DLG2: variants seen among roughly 807,000 people sequenced by gnomAD.
DLG2 encodes the protein discs large MAGUK scaffold protein 2, also known as disks large homolog 2.
Under a neutral mutation model 132.5 loss-of-function variants are expected in DLG2, and 45 were observed. The observed-to-expected ratio is 0.34, with a 90% CI of 0.27 to 0.44. The LOEUF (loss-of-function observed/expected upper bound fraction) is 0.44, where lower values mean the gene tolerates loss of function less well. Among genes scored for constraint, DLG2 ranks in the 20% least tolerant of loss-of-function variants. DLG2 has a pLI of 1.00. For synonymous variants in DLG2, 424 were observed against 419.6 expected (o/e 1.01, Z -0.13); for missense variants, 1,045 against 1,196.9 (o/e 0.87, Z 1.87).
At chr11:84,181,836 C>T (rs761682267) in intron 8 of DLG2, among the ~76,000 whole-genome samples, 5 of 152,068 alleles carry the variant, frequency 3.3e-5, no homozygotes, top group African/African-American at 4.8e-5. Context: ...ATGTAACAAC[C>T]CTTAATATGT....
At chr11:85,336,711 T>C (rs1335149711) in intron 3 of DLG2, 3 of 152,492 alleles carry the variant, frequency 2.0e-5, no homozygotes, top group Admixed American at 6.5e-5. Flanking sequence ...AGGTGCAAGT[T>C]AGAGCTGGGG....
intron 19 of DLG2, among the ~76,000 whole-genome samples, chr11:83,587,574 G>T (rs2097107037): frequency 6.6e-6 from 1 of 152,210 alleles, no homozygotes; most frequent in South Asian, 2.1e-4. Context: ...TTAGGAGATA[G>T]TGAATTAGAA....
intron 6 of DLG2, among the ~76,000 whole-genome samples, chr11:84,816,023 G>C (rs572867848): frequency 1.3e-5 from 2 of 152,104 alleles, no homozygotes; most frequent in Admixed American, 6.6e-5. Context: ...GCCTGTGTTT[G>C]GGGGTAAGGA....
At chr11:85,297,477 C>A (rs1311503016) in intron 3 of DLG2, among the ~76,000 whole-genome samples, 2 of 152,170 alleles carry the variant, frequency 1.3e-5, no homozygotes, top group Non-Finnish European at 2.9e-5. Flanking sequence ...GGCCATTCTG[C>A]CTGTTTCCAG....
intron 4 of DLG2, among the ~76,000 whole-genome samples, chr11:85,273,609 A>T (rs367828327): frequency 8.5e-5 from 13 of 152,166 alleles, no homozygotes; most frequent in Non-Finnish European, 1.8e-4. Flanking sequence ...GAAACAACAG[A>T]TGCTGGAGAG....
intron 10 of DLG2, among the ~76,000 whole-genome samples, chr11:84,082,306 G>T (rs570497990): frequency 1.3e-5 from 2 of 152,150 alleles, no homozygotes; most frequent in Non-Finnish European, 2.9e-5. Flanking sequence ...AATATGCACT[G>T]AATATGAAGG....
At chr11:85,137,178 G>A (rs1193565639) in intron 5 of DLG2, among the ~76,000 whole-genome samples, 2 of 152,012 alleles carry the variant, frequency 1.3e-5, no homozygotes, top group African/African-American at 4.8e-5. Flanking sequence ...ACAAGTACAG[G>A]ATGCTACTGA....
intron 19 of DLG2, among the ~76,000 whole-genome samples, chr11:83,625,276 G>C (rs1488739658): frequency 1.3e-5 from 2 of 152,150 alleles, no homozygotes; most frequent in African/African-American, 4.8e-5. Flanking sequence ...TTATGGCTTT[G>C]CCTTAAATGT....
At chr11:84,403,765 T>C (rs1454154577) in intron 7 of DLG2, among the ~76,000 whole-genome samples, 2 of 152,208 alleles carry the variant, frequency 1.3e-5, no homozygotes, top group African/African-American at 2.4e-5. Context: ...GCCAGAATTA[T>C]TGACTTGCTG....
chr11:83,709,862 T>C (rs1016756532), intron 18 of DLG2, among the ~76,000 whole-genome samples: 1 of 152,160 alleles, frequency 6.6e-6, no homozygotes, highest in Non-Finnish European at 1.5e-5. Flanking sequence ...CGTAAGTAGG[T>C]GATCATTGAA....
chr11:84,414,948 T>C (rs1316036738), intron 7 of DLG2, among the ~76,000 whole-genome samples: 2 of 152,160 alleles, frequency 1.3e-5, no homozygotes, highest in Non-Finnish European at 2.9e-5. Context: ...GAACAGAGTA[T>C]GGGTGGAATT....
chr11:85,532,431 C>T (rs562554392), intron 3 of DLG2, among the ~76,000 whole-genome samples: 12 of 152,184 alleles, frequency 7.9e-5, no homozygotes, highest in Non-Finnish European at 1.5e-4. Context: ...TCACCTGCTG[C>T]TATCCTCTAT....
chr11:84,228,149 C>T (rs917058870), intron 8 of DLG2, among the ~76,000 whole-genome samples: 2 of 152,168 alleles, frequency 1.3e-5, no homozygotes, highest in African/African-American at 4.8e-5. Context: ...ATGCCCTTAA[C>T]TATCCATCTC....
chr11:84,960,537 G>A (rs1197141692), intron 6 of DLG2, among the ~76,000 whole-genome samples: 1 of 151,582 alleles, frequency 6.6e-6, no homozygotes. Context: ...CTGGGTTCAA[G>A]CTGTTCTCCT....
Position 83,987,625 on chromosome 11 carries a change from G to A in DLG2, c.920-6983C>T, listed in dbSNP as rs549852709. 3.7e-3 allele frequency among the ~76,000 whole-genome samples: 560 copies of A among 152,220 alleles called. 2 individuals are homozygous for A. Among genetic ancestry groups the A allele is most frequent in the African/African-American group, 0.013 (541 of 41,542 alleles). On this transcript the variant is annotated intron_variant, in intron 11 of 27. Coordinates refer to ENST00000376104, the MANE Select transcript of DLG2 (RefSeq NM_001142699.3). ...GATTCCCAATTTAATAAATGGTGCTGGGAAAACTGGCTAGCCATATGTAGA... is the reference window on the plus strand; with the variant it reads ...GATTCCCAATTTAATAAATGGTGCTAGGAAAACTGGCTAGCCATATGTAGA...
chr11:84,117,665 G>A (rs899160576), intron 9 of DLG2, among the ~76,000 whole-genome samples: 1 of 152,080 alleles, frequency 6.6e-6, no homozygotes, highest in Non-Finnish European at 1.5e-5. Context: ...TACTTCTGCT[G>A]CCACATGTAT....
At chr11:84,897,526 T>C (rs2090361949) in intron 6 of DLG2, among the ~76,000 whole-genome samples, 1 of 151,864 alleles carries the variant, frequency 6.6e-6, no homozygotes. Context: ...CATGAATCTA[T>C]CCTGGTATCT....
intron 14 of DLG2, among the ~76,000 whole-genome samples, chr11:83,943,838 A>G (rs901818141): frequency 1.3e-5 from 2 of 152,206 alleles, no homozygotes; most frequent in Non-Finnish European, 2.9e-5. Context: ...TCTGGGTTCA[A>G]ATACTGTTCT....
chr11:84,487,296 T>C (rs764813631), intron 7 of DLG2, among the ~76,000 whole-genome samples: 1 of 152,130 alleles, frequency 6.6e-6, no homozygotes, highest in Non-Finnish European at 1.5e-5. Flanking sequence ...TATAAAATTA[T>C]CATTAATGTA....
Sources: gnomAD v4.1 joint callset for allele counts (sites outside exome capture counted in the v4.1 genomes callset) on GRCh38, gnomAD v4.1.1 for gene constraint, MANE v1.5 for transcripts, NCBI Gene and HGNC (gene_info 2026-07-23, HGNC 2026-07-21) for gene names.